Variants in SLC7A5 observed in about 807,000 individuals in gnomAD.
SLC7A5 encodes large neutral amino acids transporter small subunit 1.
A neutral mutation model predicts 50.2 loss-of-function variants in SLC7A5; 23 were observed. The ratio of observed to expected loss-of-function variants is 0.46; its 90% CI spans 0.33 to 0.65. The LOEUF (loss-of-function observed/expected upper bound fraction) is 0.65. Ranked by LOEUF, SLC7A5 falls within the 30% of genes least tolerant of loss-of-function variation. SLC7A5 has a pLI of 0.02. For missense variants in SLC7A5, 578 were observed against 684.4 expected, an observed-to-expected ratio of 0.84 and a Z score of 1.73; for synonymous variants, 393 against 330.6, an observed-to-expected ratio of 1.19 and a Z score of -2.05.
intron 1 of SLC7A5, among the ~76,000 whole-genome samples, chr16:87,865,744 T>C (rs2055452931): frequency 1.3e-5 from 2 of 152,272 alleles, no homozygotes; most frequent in East Asian, 1.9e-4. Flanking sequence ...AAAAATACTT[T>C]TTAAAGCCCT....
chr16:87,838,278 G>C (rs980597682), intron 6 of SLC7A5, among the ~76,000 whole-genome samples: 2 of 149,198 alleles, frequency 1.3e-5, no homozygotes, highest in Non-Finnish European at 3.0e-5. Flanking sequence ...GTATTATTTG[G>C]GCTTGCTGCT....
rs2055396817 is a variant in SLC7A5 at position 87,861,433 on chromosome 16, C to G, written c.538+7452G>C. ...GGCGTGGCTTTGTGCTCCCCTATGC[C>G]TGATGACAAATGGTGGCCTCAGTGT... On this transcript the variant is annotated intron_variant, in intron 1 of 9. Coordinates refer to ENST00000261622, the MANE Select transcript of SLC7A5 (RefSeq NM_003486.7). The surrounding 1 kb of genome is among the most constrained non-coding windows in gnomAD (Gnocchi z 4.2). Among the ~76,000 whole-genome samples the G allele has an allele frequency of 6.6e-6, 1 of 152,190 alleles. No individual in the cohort carries two copies. Among genetic ancestry groups the G allele is most frequent in the Non-Finnish European group, 1.5e-5 (1 of 68,024 alleles).
chr16:87,837,375 T>TA (rs2055020276), intron 7 of SLC7A5: 2 of 193,464 alleles, frequency 1.0e-5, no homozygotes, highest in Admixed American at 5.3e-5. Flanking sequence ...ATTCCTGACT[T>TA]ACGGAAACTG....
chr16:87,862,505 G>A lies in SLC7A5; in HGVS notation c.538+6380C>T, dbSNP rs2055411697. Among the ~76,000 whole-genome samples, 1 of 152,200 alleles carries A rather than the reference G, an allele frequency of 6.6e-6. No homozygotes were observed. Among genetic ancestry groups the A allele is most frequent in the Non-Finnish European group, 1.5e-5 (1 of 68,032 alleles). ...GAGCGTGGGTGGGTGACATCATCTC[G>A]CACCCAGAGCTCCAGACTAAAGGAA... is the stretch of plus-strand genomic sequence containing the variant. On this transcript the variant is annotated intron_variant, in intron 1 of 9. Coordinates refer to ENST00000261622, the MANE Select transcript of SLC7A5 (RefSeq NM_003486.7). This position sits in a 1 kb window ranked among gnomAD's most constrained non-coding sequence, Gnocchi z 5.3.
chr16:87,846,710 C>T (rs986448187), intron 2 of SLC7A5, among the ~76,000 whole-genome samples: 9 of 152,152 alleles, frequency 5.9e-5, no homozygotes, highest in African/African-American at 1.4e-4. Flanking sequence ...ACTCTCCCGC[C>T]GGCATCCAGG....
chr16:87,854,140 C>G (rs1008488138), intron 1 of SLC7A5, among the ~76,000 whole-genome samples: 2 of 128,288 alleles, frequency 1.6e-5, no homozygotes, highest in Non-Finnish European at 3.1e-5. Flanking sequence ...CAACCAAAAA[C>G]AGTCTGGAGG....
chr16:87,834,220 A>C (rs533297304), intron 9 of SLC7A5, among the ~76,000 whole-genome samples, 194 bp downstream of exon 9: 11 of 152,194 alleles, frequency 7.2e-5, no homozygotes, highest in Non-Finnish European at 1.5e-4. Context: ...CTGAGAGATT[A>C]GCTGGTGCTG....
Position 87,861,179 on chromosome 16 carries a change from C to G in SLC7A5, c.538+7706G>C, listed in dbSNP as rs1194532408. Among the ~76,000 whole-genome samples the G allele has an allele frequency of 6.6e-6, 1 of 152,158 alleles. No individual in the cohort carries two copies. Among genetic ancestry groups the G allele is most frequent in the Non-Finnish European group, 1.5e-5 (1 of 68,024 alleles). On this transcript the variant is annotated intron_variant, in intron 1 of 9. Coordinates refer to ENST00000261622, the MANE Select transcript of SLC7A5 (RefSeq NM_003486.7). This position sits in a 1 kb window ranked among gnomAD's most constrained non-coding sequence, Gnocchi z 4.2. Reference sequence around the variant, plus strand: ...CATGGCCAGCTATCCAGGTGATGCTCCAGGGAGGGCCAGGCCTACTGGGGG... The same window carrying G: ...CATGGCCAGCTATCCAGGTGATGCTGCAGGGAGGGCCAGGCCTACTGGGGG...
chr16:87,837,763 C>T (rs2055026636), intron 7 of SLC7A5, 82 bp downstream of exon 7: 1 of 1,162,018 alleles, frequency 8.6e-7, no homozygotes, highest in Admixed American at 2.0e-5. Flanking sequence ...CCAGACAGAG[C>T]TGCAAGCTGT....
At chr16:87,837,976 G>T in intron 6 of SLC7A5, 35 bp from the exon 7 acceptor site, 1 of 1,495,972 alleles carries the variant, frequency 6.7e-7, no homozygotes, top group Non-Finnish European at 9.2e-7. Context: ...GTCAGCCACC[G>T]CCCCACAACT....
At chr16:87,839,043 G>C (rs776333642) in intron 5 of SLC7A5, among the ~76,000 whole-genome samples, 1 of 152,228 alleles carries the variant, frequency 6.6e-6, no homozygotes, top group Non-Finnish European at 1.5e-5. Flanking sequence ...TGCTGGTCCT[G>C]ATTTGCCCCC....
intron 1 of SLC7A5, among the ~76,000 whole-genome samples, chr16:87,856,439 A>T (rs143708015): frequency 1.3e-5 from 2 of 152,220 alleles, no homozygotes; most frequent in African/African-American, 2.4e-5. Context: ...CACCGGGCAC[A>T]GCAGTTCGCA....
intron 8 of SLC7A5, 21 bp downstream of exon 8, chr16:87,836,477 A>G: frequency 6.2e-7 from 1 of 1,606,488 alleles, no homozygotes; most frequent in South Asian, 1.1e-5. Context: ...TGCCTGGGTG[A>G]GCGGGAGGCC....
intron 4 of SLC7A5, 148 bp from the exon 5 acceptor site, chr16:87,839,973 A>C: frequency 1.8e-6 from 2 of 1,084,726 alleles, no homozygotes; most frequent in East Asian, 2.6e-5. Context: ...GCAAGAGAAC[A>C]CAGGCTGGCG....
Position 87,841,628 on chromosome 16 carries a change from C to T in SLC7A5, c.665-473G>A, listed in dbSNP as rs926571320. ...TGCGAGGAGCTCGGAACAGACTGCC[C>T]TCCCTCCAGGGCTGGCAGGACAGGC... On this transcript the variant is annotated intron_variant, in intron 2 of 9. Transcript: ENST00000261622. This position sits in a 1 kb window ranked among gnomAD's most constrained non-coding sequence, Gnocchi z 4.8. 2.6e-5 allele frequency among the ~76,000 whole-genome samples: 4 copies of T among 152,216 alleles called. No individual in the cohort carries two copies. The highest frequency in any genetic ancestry group is 9.6e-5 in the African/African-American group (4 of 41,454).
intron 1 of SLC7A5, among the ~76,000 whole-genome samples, chr16:87,856,245 CAG>C (rs1488336581): frequency 6.6e-6 from 1 of 152,242 alleles, no homozygotes; most frequent in Non-Finnish European, 1.5e-5. Flanking sequence ...CGCACGGTTT[CAG>C]AGTCTGTCCA....
At chr16:87,835,765 C>G (rs528207234) in intron 8 of SLC7A5, among the ~76,000 whole-genome samples, 1 of 152,238 alleles carries the variant, frequency 6.6e-6, no homozygotes, top group African/African-American at 2.4e-5. Flanking sequence ...TGAGCCACCG[C>G]GCCCAGCCTA....
In SLC7A5 at chr16:87,869,276, G is replaced by A. The variant is rs377561432; in HGVS notation, c.147C>T (p.Asn49=). The change falls in exon 1 of 10, where the codon AAC becomes AAT. Residue 49 remains asparagine, a synonymous_variant. Coordinates refer to ENST00000261622, the MANE Select transcript of SLC7A5 (RefSeq NM_003486.7). ...TGGCCACGCCGTTGAGCAGCGTGATGTTCCGCTGCAGGGTCACGCCCTCGC... is the reference window on the plus strand; with the variant it reads ...TGGCCACGCCGTTGAGCAGCGTGATATTCCGCTGCAGGGTCACGCCCTCGC... ...GEGEGVTLQR[N]ITLLNGVAII... 5 of 1,612,186 alleles carry A rather than the reference G, an allele frequency of 3.1e-6. No individual in the cohort carries two copies. Among genetic ancestry groups the A allele is most frequent in the Middle Eastern group, 1.8e-4 (1 of 5,446 alleles).
intron 1 of SLC7A5, among the ~76,000 whole-genome samples, chr16:87,859,643 C>T (rs1407036282): frequency 6.6e-6 from 1 of 152,168 alleles, no homozygotes. Context: ...AGCACTAACA[C>T]TCAAACACAG....
Sources: allele counts gnomAD v4.1 joint callset (sites outside exome capture counted in the v4.1 genomes callset), GRCh38; gene constraint gnomAD v4.1.1; non-coding constraint Gnocchi (gnomAD v3.1); transcripts MANE v1.5; gene names NCBI Gene and HGNC (gene_info 2026-07-23, HGNC 2026-07-21).